The following NMNAT1 variants were observed in gnomAD, a reference collection of about 807,000 sequenced individuals.
NMNAT1 encodes nicotinamide/nicotinic acid mononucleotide adenylyltransferase 1.
Under a neutral mutation model 16.7 loss-of-function variants are expected in NMNAT1, and 11 were observed. The observed-to-expected ratio is 0.66, with a 90% confidence interval of 0.41 to 1.09. The LOEUF is 1.09. NMNAT1 is among the 50% of genes least tolerant of loss of function. NMNAT1 has a pLI of 0.00. For synonymous variants in NMNAT1, 110 were observed against 119.8 expected, an observed-to-expected ratio of 0.92 and a Z score of 0.53; for missense variants, 280 against 332.3, an observed-to-expected ratio of 0.84 and a Z score of 1.22.
chr1:9,980,956 A>G (rs1641934270), intron 3 of NMNAT1, 75 bp from the exon 4 acceptor site: 1 of 1,486,962 alleles, frequency 6.7e-7, no homozygotes, highest in South Asian at 1.3e-5. Flanking sequence ...GTGCCCAGCT[A>G]TAAATAATGT....
chr1:9,973,665 G>A (rs1285399448), intron 2 of NMNAT1, among the ~76,000 whole-genome samples: 2 of 114,532 alleles, frequency 1.7e-5, no homozygotes, highest in Admixed American at 1.2e-4. Context: ...CCAAGATGTC[G>A]CCACTGCACT....
At chr1:9,991,529 G>A in the NMNAT1 span, among the ~76,000 whole-genome samples, 679 of 152,270 alleles carry the variant, frequency 4.5e-3, 2 homozygotes, top group Non-Finnish European at 6.3e-3. Context: ...GCAAGGTGAT[G>A]TCACTCTGGC....
chr1:9,949,850 A>G (rs2101638923), intron 1 of NMNAT1: 1 of 152,192 alleles, frequency 6.6e-6, no homozygotes, highest in African/African-American at 2.4e-5. Context: ...GTTCATTACT[A>G]AGATTTCTAT....
At chr1:9,951,912 A>G (rs532272959) in intron 1 of NMNAT1, among the ~76,000 whole-genome samples, 9 of 152,352 alleles carry the variant, frequency 5.9e-5, no homozygotes, top group African/African-American at 2.2e-4. Context: ...GTGCCTAATC[A>G]GGTATTCCAT....
intron 1 of NMNAT1, among the ~76,000 whole-genome samples, chr1:9,959,661 G>A (rs1424331901): frequency 6.6e-6 from 1 of 151,810 alleles, no homozygotes; most frequent in East Asian, 1.9e-4. Flanking sequence ...CCAGCCTGGC[G>A]ACAACGAGAC....
chr1:9,972,251 C>A (rs775606215), intron 2 of NMNAT1, 63 bp downstream of exon 2: 3 of 823,562 alleles, frequency 3.6e-6, no homozygotes, highest in Non-Finnish European at 6.4e-6. Context: ...TGGCTCACAC[C>A]TGCAATCCCA....
At chr1:9,979,624 C>A (rs2101710063) in intron 3 of NMNAT1, among the ~76,000 whole-genome samples, 2 of 151,958 alleles carry the variant, frequency 1.3e-5, no homozygotes, top group South Asian at 4.2e-4. Flanking sequence ...CATGGTGAAA[C>A]CCTGTCTCTA....
Position 9,975,778 on chromosome 1 carries a change from A to ATT in NMNAT1, c.299+5_299+6dup. The ATT allele has an allele frequency of 6.2e-7, 1 of 1,605,286 alleles. No individual in the cohort carries two copies. Among genetic ancestry groups the ATT allele is most frequent in the South Asian group, 1.1e-5 (1 of 89,756 alleles). On this transcript the variant is annotated splice_donor_region_variant and intron_variant, in intron 3 of 4. Transcript: ENST00000377205. ...AAAGAGACTCTGAAGGTGCTAAGGTATTTATGGTGTAATCAACTTTGTCAG... is the reference window on the plus strand; with the variant it reads ...AAAGAGACTCTGAAGGTGCTAAGGTATTTTTATGGTGTAATCAACTTTGTCAG...
downstream of NMNAT1, among the ~76,000 whole-genome samples, chr1:9,990,306 T>G (rs1642094120): frequency 6.6e-6 from 1 of 152,168 alleles, no homozygotes; most frequent in African/African-American, 2.4e-5. Flanking sequence ...ACACTTCCAG[T>G]CACAGTGTCT....
At chr1:9,993,663 T>A in the NMNAT1 span, among the ~76,000 whole-genome samples, 1 of 151,930 alleles carries the variant, frequency 6.6e-6, no homozygotes, top group Non-Finnish European at 1.5e-5. Flanking sequence ...TGGCAAGAGA[T>A]GATGGGGACT....
chr1:9,953,736 C>T (rs976247707), intron 1 of NMNAT1, among the ~76,000 whole-genome samples: 9 of 151,362 alleles, frequency 5.9e-5, no homozygotes, highest in African/African-American at 1.2e-4. Context: ...CCACCACACC[C>T]GGCCCTATTT....
chr1:9,992,866 C>T, the NMNAT1 span, among the ~76,000 whole-genome samples: 2 of 151,802 alleles, frequency 1.3e-5, no homozygotes, highest in African/African-American at 2.4e-5. Flanking sequence ...GAGTGGAGAT[C>T]GCACCAATGC....
At position 9,982,682 on chromosome 1, in the gene NMNAT1, C is replaced by T. The variant is rs777268433; in HGVS notation, c.821C>T (p.Thr274Ile). 6.2e-7 allele frequency: 1 copy of T among 1,610,354 alleles called. No homozygotes were observed. The highest frequency in any genetic ancestry group is 8.5e-7 in the Non-Finnish European group (1 of 1,178,192). ...ATCCTGGCCCCTTTGCAGAGAAACACTGCAGAAGCTAAGACATAGGAATTC... is the reference window on the plus strand; with the variant it reads ...ATCCTGGCCCCTTTGCAGAGAAACATTGCAGAAGCTAAGACATAGGAATTC... ...GVILAPLQRN[T>I]AEAKT The change falls in exon 5 of 5, where the codon ACT becomes ATT. Residue 274 changes from threonine to isoleucine, a missense_variant. Thr to Ile is a moderately conservative substitution (Grantham distance 89, BLOSUM62 -1). Coordinates refer to ENST00000377205, the MANE Select transcript of NMNAT1 (RefSeq NM_022787.4).
At chr1:9,947,791 C>G (rs1226837549) in intron 1 of NMNAT1, among the ~76,000 whole-genome samples, 1 of 152,140 alleles carries the variant, frequency 6.6e-6, no homozygotes, top group East Asian at 1.9e-4. Context: ...ACCATCAGGG[C>G]CAGGTCAGCA....
intron 1 of NMNAT1, among the ~76,000 whole-genome samples, chr1:9,946,190 G>A (rs1231675413): frequency 6.6e-6 from 1 of 152,206 alleles, no homozygotes; most frequent in Non-Finnish European, 1.5e-5. Flanking sequence ...TCTATGCTAA[G>A]GGTTTTTTTA....
At chr1:9,944,684 T>G (rs547669614) in intron 1 of NMNAT1, among the ~76,000 whole-genome samples, 3 of 152,054 alleles carry the variant, frequency 2.0e-5, no homozygotes, top group South Asian at 4.2e-4. Flanking sequence ...AGGCCTGGAG[T>G]CTGAAGTTAG....
chr1:9,970,101 A>G (rs779059779), intron 1 of NMNAT1, among the ~76,000 whole-genome samples: 2 of 152,218 alleles, frequency 1.3e-5, no homozygotes, highest in Non-Finnish European at 2.9e-5. Flanking sequence ...ATGATTTTCA[A>G]CATAGTCTGG....
downstream of NMNAT1, among the ~76,000 whole-genome samples, chr1:9,990,431 T>C (rs1642095597): frequency 6.6e-6 from 1 of 152,204 alleles, no homozygotes; most frequent in Non-Finnish European, 1.5e-5. Flanking sequence ...AAGAAACATC[T>C]TTTCCAACAG....
intron 1 of NMNAT1, among the ~76,000 whole-genome samples, chr1:9,953,272 C>T (rs1173038252): frequency 3.4e-5 from 5 of 146,044 alleles, no homozygotes; most frequent in Admixed American, 6.9e-5. Context: ...AGCCACTGTG[C>T]GCGGGCTTTT....
Sources: gnomAD v4.1 joint callset for allele counts (sites outside exome capture counted in the v4.1 genomes callset) on GRCh38, gnomAD v4.1.1 for gene constraint, MANE v1.5 for transcripts, NCBI Gene and HGNC (gene_info 2026-07-23, HGNC 2026-07-21) for gene names.